The following TNS1 variants were observed in gnomAD, a reference collection of about 807,000 sequenced individuals.
TNS1 encodes tensin-1.
A neutral mutation model predicts 168.6 loss-of-function variants in TNS1; 62 were observed. That is an observed-to-expected ratio of 0.37 (90% CI 0.30 to 0.45). TNS1 has a LOEUF of 0.45. Ranked by LOEUF, TNS1 falls within the 20% of genes least tolerant of loss-of-function variation. The pLI, the probability that TNS1 is intolerant of heterozygous loss-of-function variation, is 1.00. For synonymous variants in TNS1, 934 were observed against 933.2 expected, an observed-to-expected ratio of 1.00 and a Z score of -0.02; for missense variants, 2,240 against 2,339.4, an observed-to-expected ratio of 0.96 and a Z score of 0.88.
intron 8 of TNS1, among the ~76,000 whole-genome samples, chr2:217,896,120 C>T (rs758488188): frequency 1.6e-4 from 25 of 152,226 alleles, no homozygotes; most frequent in African/African-American, 2.2e-4. Flanking sequence ...ACCCACTTTA[C>T]GGACACAGAA....
rs1958924838 is a variant in TNS1 at position 218,033,870 on chromosome 2, A to T, written c.106T>A (p.Trp36Arg). Among the ~76,000 whole-genome samples the T allele has an allele frequency of 6.6e-6, 1 of 152,146 alleles. No individual in the cohort carries two copies. Among genetic ancestry groups the T allele is most frequent in the Non-Finnish European group, 1.5e-5 (1 of 67,988 alleles). The change falls in exon 1 of 2, where the codon TGG becomes AGG. Residue 36 changes from tryptophan (W) to arginine (R), a missense_variant. Coordinates refer to the TNS1 transcript ENST00000649572. This position sits in a 1 kb window ranked among gnomAD's most constrained non-coding sequence, Gnocchi z 4.3. ...GCACAGGCCAAACCCCCGGACTCCC[A>T]GCACTCAGCCCGCGCCGAGACCCAG...
intron 21 of TNS1, 44 bp downstream of exon 21, chr2:217,835,047 C>T (rs894409718): frequency 1.3e-6 from 2 of 1,520,638 alleles, no homozygotes; most frequent in Non-Finnish European, 1.8e-6. Flanking sequence ...AGCTGAGGGG[C>T]TGGAGGGTAC....
intron 18 of TNS1, among the ~76,000 whole-genome samples, chr2:217,852,136 C>T (rs796388471): frequency 7.9e-5 from 12 of 152,272 alleles, no homozygotes; most frequent in African/African-American, 2.9e-4. Flanking sequence ...CAGAGCAAGA[C>T]TCCATCTCAA....
In TNS1 at chr2:217,878,050, T is replaced by C. The variant is rs1256628903; in HGVS notation, c.1429+2848A>G. 2.0e-5 allele frequency among the ~76,000 whole-genome samples: 3 copies of C among 152,148 alleles called. No homozygotes were observed. In the South Asian group the frequency reaches 6.2e-4, roughly 32 times the overall value. On this transcript the variant is annotated intron_variant, in intron 18 of 32. Transcript: ENST00000682258. ...CCTTGGACACCCTTCCCTCTACCTA[T>C]TTCGAGAGGCCTGCCACTCATCAGA...
Position 217,956,253 on chromosome 2 carries a change from T to C in TNS1, c.186+22512A>G, listed in dbSNP as rs78940520. 7.6e-4 allele frequency among the ~76,000 whole-genome samples: 116 copies of C among 152,268 alleles called. 3 individuals are homozygous for C. The East Asian group carries it at 0.019, about 24-fold the overall frequency. ...CCTGGGCTAAAGGGATCCTCCCACC[T>C]CAGCCTCCTAAAGTGCTGGGACTAC... On this transcript the variant is annotated intron_variant, in intron 3 of 32. Coordinates refer to ENST00000682258, the MANE Select transcript of TNS1 (RefSeq NM_001387777.1).
intron 3 of TNS1, among the ~76,000 whole-genome samples, chr2:217,976,391 C>T (rs972922974): frequency 6.6e-6 from 1 of 152,216 alleles, no homozygotes; most frequent in African/African-American, 2.4e-5. Context: ...CCCTTCCCAG[C>T]AGGAGGAAAA....
rs76930125 is a variant in TNS1 at position 217,851,232 on chromosome 2, T to C, written c.1430-2145A>G. On this transcript the variant is annotated intron_variant, in intron 18 of 32. Transcript: ENST00000682258. ...ATATTTCAGAAAATACAAATGTTCC[T>C]ACCATGCCCAAGGATCAGCCCTTAG... 8.3e-3 allele frequency among the ~76,000 whole-genome samples: 1,263 copies of C among 151,864 alleles called. 7 individuals carry two copies. Among genetic ancestry groups the C allele is most frequent in the Non-Finnish European group, 0.014 (933 of 68,000 alleles).
intron 17 of TNS1, 151 bp from the exon 18 acceptor site, chr2:217,881,165 C>T (rs912808358): frequency 1.6e-6 from 1 of 618,260 alleles, no homozygotes; most frequent in South Asian, 2.0e-5. Context: ...TGGGCGGGAC[C>T]AGTGGCTTAA....
rs752700908 is a variant in TNS1, at chr2:217,831,518, G to C, written c.3310C>G (p.Pro1104Ala). Residue 1104 changes from proline to alanine, a missense_variant, in exon 22 of 33, where the codon CCC becomes GCC. Coordinates refer to ENST00000682258, the MANE Select transcript of TNS1 (RefSeq NM_001387777.1). ...VRSPPGLAKT[P>A]LSALGLKPHN... is the part of the protein sequence containing the mutation. ...GGTTTCAGGCCCAGAGCAGACAGGG[G>C]TGTCTTGGCCAGACCCGGGGGGGAC... 2 of 1,563,222 alleles carry C rather than the reference G, an allele frequency of 1.3e-6. No individual in the cohort carries two copies. Among genetic ancestry groups the C allele is most frequent in the Non-Finnish European group, 1.7e-6 (2 of 1,157,914 alleles).
intron 3 of TNS1, among the ~76,000 whole-genome samples, chr2:217,949,625 T>G (rs1156447085): frequency 6.6e-6 from 1 of 152,208 alleles, no homozygotes; most frequent in East Asian, 1.9e-4. Context: ...AATAGATCAA[T>G]GTCAACTTCC....
chr2:217,952,468 CCA>C (rs3055028), intron 3 of TNS1, among the ~76,000 whole-genome samples: 22 of 149,304 alleles, frequency 1.5e-4, no homozygotes, highest in Admixed American at 2.0e-4. Context: ...CTCTCCCGCG[CCA>C]CACACACACA....
chr2:217,998,556 A>T (rs1167458972), intron 1 of TNS1, among the ~76,000 whole-genome samples: 1 of 152,158 alleles, frequency 6.6e-6, no homozygotes, highest in Non-Finnish European at 1.5e-5. Flanking sequence ...GCTGGAGTGC[A>T]GTGGTGTAAT....
chr2:217,898,067 A>G (rs898534632), intron 7 of TNS1, 98 bp from the exon 8 acceptor site: 1 of 1,353,264 alleles, frequency 7.4e-7, no homozygotes, highest in African/African-American at 1.5e-5. Context: ...TGTGACCCCC[A>G]TATGCAGCCC....
chr2:217,810,972 T>G (rs972932737), intron 28 of TNS1, among the ~76,000 whole-genome samples: 1 of 151,724 alleles, frequency 6.6e-6, no homozygotes, highest in Non-Finnish European at 1.5e-5. Context: ...CAAACTCCCA[T>G]GCTCTAGCAG....
chr2:217,926,216 C>T lies in TNS1; in HGVS notation c.187-5980G>A, dbSNP rs142488638. On this transcript the variant is annotated intron_variant, in intron 3 of 32. Coordinates refer to ENST00000682258, the MANE Select transcript of TNS1 (RefSeq NM_001387777.1). ...TTGATCTCAGCCTCTGGATTCCAGC[C>T]TCCAGAACCATAAGAAAATTCATTT... Among the ~76,000 whole-genome samples the T allele has an allele frequency of 9.3e-3, 1,421 of 152,284 alleles. 20 individuals carry two copies. The highest frequency in any genetic ancestry group is 0.032 in the African/African-American group (1,330 of 41,552).
chr2:217,982,562 C>A (rs1371142281), intron 2 of TNS1, among the ~76,000 whole-genome samples: 1 of 152,100 alleles, frequency 6.6e-6, no homozygotes, highest in Non-Finnish European at 1.5e-5. Context: ...TGCCACCATG[C>A]CCTGCTAATT....
chr2:217,885,549 C>G (rs1378768370), intron 15 of TNS1, among the ~76,000 whole-genome samples, 195 bp downstream of exon 15: 1 of 152,182 alleles, frequency 6.6e-6, no homozygotes, highest in Non-Finnish European at 1.5e-5. Flanking sequence ...TGCTCCAGAA[C>G]AACAGCTAAG....
chr2:217,841,734 C>G (rs1353710250), intron 19 of TNS1, among the ~76,000 whole-genome samples: 1 of 152,108 alleles, frequency 6.6e-6, no homozygotes, highest in Non-Finnish European at 1.5e-5. Context: ...TTCCTGGGCA[C>G]CTGCCTCTCC....
At chr2:217,933,185 C>A (rs1956414264) in intron 3 of TNS1, among the ~76,000 whole-genome samples, 1 of 152,162 alleles carries the variant, frequency 6.6e-6, no homozygotes. Context: ...CTTCCTTGCT[C>A]CCAGGCAGAC....
Sources: gnomAD v4.1 joint callset for allele counts (sites outside exome capture counted in the v4.1 genomes callset) on GRCh38, gnomAD v4.1.1 for gene constraint, Gnocchi (gnomAD v3.1) non-coding constraint, MANE v1.5 for transcripts, NCBI Gene and HGNC (gene_info 2026-07-23, HGNC 2026-07-21) for gene names.